Variants in SLC12A6 observed in about 807,000 individuals in gnomAD.
The protein encoded by SLC12A6 is solute carrier family 12 member 6, also known as K-Cl cotransporter 3.
A neutral mutation model predicts 135.3 loss-of-function variants in SLC12A6; 66 were observed. The ratio of observed to expected loss-of-function variants is 0.49; its 90% CI spans 0.40 to 0.60. The LOEUF is 0.60. SLC12A6 is among the 20% of genes least tolerant of loss of function. SLC12A6 has a pLI of 0.00. For missense variants in SLC12A6, 1,058 were observed against 1,452.3 expected (o/e 0.73, Z 4.41); for synonymous variants, 513 against 508.8 (o/e 1.01, Z -0.11).
intron 10 of SLC12A6, among the ~76,000 whole-genome samples, chr15:34,251,513 C>A (rs1892393988): frequency 6.6e-6 from 1 of 152,158 alleles, no homozygotes; most frequent in Admixed American, 6.5e-5. Flanking sequence ...TCCCAAAGTG[C>A]TAGGATTACA....
intron 2 of SLC12A6, among the ~76,000 whole-genome samples, chr15:34,280,777 C>A (rs1018207771): frequency 6.6e-6 from 1 of 152,144 alleles, no homozygotes; most frequent in Non-Finnish European, 1.5e-5. Flanking sequence ...ATGGACTCAA[C>A]CTGGGTGTCC....
At chr15:34,250,567 G>C (rs1008817255) in intron 12 of SLC12A6, 64 bp downstream of exon 12, 9 of 931,660 alleles carry the variant, frequency 9.7e-6, no homozygotes, top group African/African-American at 3.2e-5. Flanking sequence ...TAAAAATACT[G>C]ATCATCTAGT....
At chr15:34,261,041 C>G in intron 3 of SLC12A6, 21 bp from the exon 4 acceptor site, 1 of 1,254,304 alleles carries the variant, frequency 8.0e-7, no homozygotes, top group Non-Finnish European at 1.2e-6. Flanking sequence ...AAAAGTAGAC[C>G]AAGTTAGTTT....
chr15:34,269,029 T>C (rs937441970), intron 3 of SLC12A6, among the ~76,000 whole-genome samples: 1 of 152,072 alleles, frequency 6.6e-6, no homozygotes, highest in Non-Finnish European at 1.5e-5. Context: ...GCTAATTTTT[T>C]GTATTTTTAG....
intron 13 of SLC12A6, among the ~76,000 whole-genome samples, chr15:34,249,037 G>T (rs1416969128): frequency 6.6e-6 from 1 of 152,172 alleles, no homozygotes; most frequent in African/African-American, 2.4e-5. Context: ...TTACAGTGAT[G>T]GATTTTAACA....
At chr15:34,311,918 C>G (rs572621089) in intron 2 of SLC12A6, among the ~76,000 whole-genome samples, 1 of 152,288 alleles carries the variant, frequency 6.6e-6, no homozygotes, top group East Asian at 1.9e-4. Flanking sequence ...GATACCTGTC[C>G]AGGGTCCCGT....
intron 2 of SLC12A6, among the ~76,000 whole-genome samples, chr15:34,330,192 T>A (rs562135395): frequency 4.6e-5 from 7 of 152,316 alleles, no homozygotes; most frequent in African/African-American, 1.7e-4. Flanking sequence ...TCTTTTTATC[T>A]GTAACAGCTT....
At chr15:34,318,787 C>A (rs1382904628) in intron 2 of SLC12A6, 47 of 1,577,190 alleles carry the variant, frequency 3.0e-5, no homozygotes, top group Non-Finnish European at 4.0e-5. Flanking sequence ...TCCCTGCCTA[C>A]AAGAGACAGT....
chr15:34,269,302 AT>A (rs34450731), intron 3 of SLC12A6, among the ~76,000 whole-genome samples: 9,592 of 150,244 alleles, frequency 0.064, 965 homozygotes, highest in African/African-American at 0.22. Flanking sequence ...TTCATGGCAT[AT>A]TTTTTTTTTG....
intron 6 of SLC12A6, 45 bp from the exon 7 acceptor site, chr15:34,256,328 A>C: frequency 8.0e-7 from 1 of 1,257,038 alleles, no homozygotes; most frequent in Non-Finnish European, 1.2e-6. Flanking sequence ...TGTAAAGATG[A>C]CATTTCTATA....
At chr15:34,235,558 C>A (rs1475906806) in intron 24 of SLC12A6, among the ~76,000 whole-genome samples, 1 of 151,526 alleles carries the variant, frequency 6.6e-6, no homozygotes, top group East Asian at 1.9e-4. Flanking sequence ...CCTCAGCCTC[C>A]CGAGTAGCTG....
At chr15:34,264,992 T>C (rs555466265) in intron 3 of SLC12A6, among the ~76,000 whole-genome samples, 166 of 152,180 alleles carry the variant, frequency 1.1e-3, no homozygotes, top group African/African-American at 3.8e-3. Flanking sequence ...GTCAGGAGAT[T>C]GAGACCATCC....
intron 2 of SLC12A6, among the ~76,000 whole-genome samples, chr15:34,285,931 G>A (rs974509264): frequency 6.6e-6 from 1 of 151,832 alleles, no homozygotes; most frequent in Non-Finnish European, 1.5e-5. Context: ...GGTAGGGAGT[G>A]GAAAATGGAG....
At chr15:34,310,300 A>AGTGTGT (rs58503652) in intron 2 of SLC12A6, among the ~76,000 whole-genome samples, 42 of 43,756 alleles carry the variant, frequency 9.6e-4, no homozygotes, top group Non-Finnish European at 1.5e-3. Context: ...CCTGGGCTCA[A>AGTGTGT]GTGTGTGTGT....
chr15:34,246,170 T>C (rs191090830), intron 13 of SLC12A6, among the ~76,000 whole-genome samples: 1 of 152,228 alleles, frequency 6.6e-6, no homozygotes, highest in East Asian at 1.9e-4. Context: ...TGGCCTCAAG[T>C]GATTCACCTG....
chr15:34,303,816 T>C (rs1896420374), intron 2 of SLC12A6, among the ~76,000 whole-genome samples: 1 of 152,212 alleles, frequency 6.6e-6, no homozygotes, highest in Non-Finnish European at 1.5e-5. Context: ...CAGCAGATGC[T>C]GGCACCTTGG....
At chr15:34,318,561 C>G in intron 2 of SLC12A6, 2 of 1,613,162 alleles carry the variant, frequency 1.2e-6, no homozygotes, top group Non-Finnish European at 8.5e-7. Context: ...GCGTACTCAC[C>G]TGGTTCATCT....
intron 2 of SLC12A6, among the ~76,000 whole-genome samples, chr15:34,321,178 A>C (rs553347162): frequency 5.3e-5 from 8 of 152,218 alleles, no homozygotes; most frequent in African/African-American, 7.2e-5. Context: ...GTATGTTTCA[A>C]AGAAAGAAAA....
rs148642500 is a variant in SLC12A6 at position 34,326,236 on chromosome 15, C to G, written c.271+10174G>C. Among the ~76,000 whole-genome samples, 753 of 152,212 alleles carry G rather than the reference C, an allele frequency of 4.9e-3. 9 individuals are homozygous for G. Among genetic ancestry groups the G allele is most frequent in the African/African-American group, 0.018 (737 of 41,526 alleles). The stretch of plus-strand genomic sequence containing the variant: ...ACAGATAGGACCTGAGAATCCCAAC[C>G]AAAGAGGGTAGCACTGGCAGCTATG... On this transcript the variant is annotated intron_variant, in intron 2 of 25. Coordinates refer to ENST00000354181, the MANE Select transcript of SLC12A6 (RefSeq NM_001365088.1).
Sources: allele counts gnomAD v4.1 joint callset (sites outside exome capture counted in the v4.1 genomes callset), GRCh38; gene constraint gnomAD v4.1.1; transcripts MANE v1.5; gene names NCBI Gene and HGNC (gene_info 2026-07-23, HGNC 2026-07-21).